MGAT4C: variants seen among roughly 807,000 people sequenced by gnomAD.
MGAT4C encodes the protein MGAT4 family member C.
Under a neutral mutation model 40.1 loss-of-function variants are expected in MGAT4C, and 19 were observed. The observed-to-expected ratio is 0.47, with a 90% CI of 0.33 to 0.70. The LOEUF (loss-of-function observed/expected upper bound fraction) is 0.70, where lower values mean the gene tolerates loss of function less well. MGAT4C is among the 30% of genes least tolerant of loss of function. The pLI, the probability that MGAT4C is intolerant of heterozygous loss-of-function variation, is 0.02. For missense variants in MGAT4C, 491 were observed against 563.2 expected, an observed-to-expected ratio of 0.87 and a Z score of 1.30; for synonymous variants, 181 against 187.1, an observed-to-expected ratio of 0.97 and a Z score of 0.27.
intron 4 of MGAT4C, among the ~76,000 whole-genome samples, chr12:86,266,706 G>C (rs1285830888): frequency 6.6e-6 from 1 of 152,094 alleles, no homozygotes; most frequent in Non-Finnish European, 1.5e-5. Context: ...GTTTCAGAAG[G>C]ATTGCTATTA....
intron 1 of MGAT4C, among the ~76,000 whole-genome samples, chr12:86,057,108 C>T (rs563411783): frequency 1.3e-5 from 2 of 152,034 alleles, no homozygotes; most frequent in South Asian, 4.1e-4. Flanking sequence ...CTTTAGACCT[C>T]AAAATTTTTG....
chr12:86,497,964 TAA>T (rs1303161090), intron 2 of MGAT4C, among the ~76,000 whole-genome samples: 1 of 145,098 alleles, frequency 6.9e-6, no homozygotes, highest in Non-Finnish European at 1.5e-5. Context: ...ATATATATTA[TAA>T]ATATATATTA....
Position 86,049,673 on chromosome 12 carries a change from C to T in MGAT4C, c.-7+1G>A, listed in dbSNP as rs964925725. Reference sequence around the variant, plus strand: ...CTACCATGAATGACATAGAATCTCACCTTAAGAAAGACGCTGTCATAATCT... The same window carrying T: ...CTACCATGAATGACATAGAATCTCATCTTAAGAAAGACGCTGTCATAATCT... On this transcript the variant is annotated splice_donor_variant, in intron 2 of 4. Coordinates refer to ENST00000611864, the MANE Select transcript of MGAT4C (RefSeq NM_001351288.2). LOFTEE classifies it low-confidence loss of function (5UTR_SPLICE). 6.1e-6 allele frequency: 6 copies of T among 982,722 alleles called. No individual in the cohort carries two copies. In the African/African-American group the frequency reaches 1.1e-4, roughly 17 times the overall value. The allele number at this position is 982,722 out of a possible 1,614,324, so 60.9% of individuals were successfully genotyped here. A position where few individuals can be genotyped will look rare whatever the true frequency, so the allele number is the denominator to read the frequency against.
intron 1 of MGAT4C, among the ~76,000 whole-genome samples, chr12:86,826,143 G>A (rs1193109067): frequency 6.6e-6 from 1 of 151,332 alleles, no homozygotes; most frequent in Non-Finnish European, 1.5e-5. Context: ...TCCTTCTTGA[G>A]CTTCCCTCTA....
chr12:86,684,165 C>T (rs568091901), intron 2 of MGAT4C, among the ~76,000 whole-genome samples: 1 of 152,078 alleles, frequency 6.6e-6, no homozygotes, highest in African/African-American at 2.4e-5. Flanking sequence ...CACTTGAGGT[C>T]ATGCATTACC....
chr12:86,643,997 A>C (rs1466142041), intron 2 of MGAT4C, among the ~76,000 whole-genome samples: 1 of 151,760 alleles, frequency 6.6e-6, no homozygotes, highest in East Asian at 1.9e-4. Flanking sequence ...GTTAACTGTA[A>C]AAAATAATTC....
chr12:86,483,654 T>C (rs1009825386), intron 2 of MGAT4C, among the ~76,000 whole-genome samples: 8 of 151,646 alleles, frequency 5.3e-5, no homozygotes, highest in Non-Finnish European at 1.0e-4. Flanking sequence ...AGAGTGATTC[T>C]ATTATTTTCT....
intron 2 of MGAT4C, among the ~76,000 whole-genome samples, chr12:86,646,639 C>G (rs1172778289): frequency 6.6e-6 from 1 of 151,760 alleles, no homozygotes; most frequent in African/African-American, 2.4e-5. Context: ...TAAATATTTT[C>G]TTGTGTTCAC....
At chr12:86,515,769 C>T (rs975874012) in intron 2 of MGAT4C, among the ~76,000 whole-genome samples, 4 of 143,278 alleles carry the variant, frequency 2.8e-5, no homozygotes, top group African/African-American at 1.1e-4. Context: ...GACGGAGTCT[C>T]GCTCTGTCTG....
Position 85,989,450 on chromosome 12 carries a change from C to G in MGAT4C, c.97G>C (p.Val33Leu), listed in dbSNP as rs767169663. 4 of 1,607,258 alleles carry G rather than the reference C, an allele frequency of 2.5e-6. No individual in the cohort carries two copies. The highest frequency in any genetic ancestry group is 3.4e-6 in the Non-Finnish European group (4 of 1,176,416). ...RSTVSFLGVLVIFLLFMNLYI... is the reference protein window; with the variant it reads ...RSTVSFLGVLLIFLLFMNLYI... ...AAGTTCATAAAAAGGAGAAAAATGA[C>G]AAGAACTCCCAAGAATGACACTGTA... is the stretch of plus-strand genomic sequence containing the variant. The change falls in exon 3 of 5, where the codon GTC becomes CTC. Residue 33 changes from valine (V) to leucine (L), a missense_variant. Physicochemically the swap from Val to Leu is conservative, Grantham distance 32 (BLOSUM62 1). Transcript: ENST00000611864.
intron 2 of MGAT4C, among the ~76,000 whole-genome samples, chr12:86,709,455 CT>C (rs1177513848): frequency 6.6e-6 from 1 of 152,066 alleles, no homozygotes; most frequent in Admixed American, 6.6e-5. Flanking sequence ...AATCAGGTCA[CT>C]TTTGTACTTA....
chr12:86,241,100 C>T (rs1390369199), intron 1 of MGAT4C, among the ~76,000 whole-genome samples: 2 of 152,052 alleles, frequency 1.3e-5, no homozygotes, highest in Non-Finnish European at 2.9e-5. Flanking sequence ...ATTTTGTTAT[C>T]TGGGAAACAA....
intron 1 of MGAT4C, among the ~76,000 whole-genome samples, chr12:86,209,328 A>G (rs1009792987): frequency 4.6e-5 from 7 of 152,130 alleles, no homozygotes; most frequent in Non-Finnish European, 1.0e-4. Context: ...CTAAAATAAA[A>G]CAAAGATAAT....
At chr12:86,465,100 T>C (rs2136298838) in intron 2 of MGAT4C, among the ~76,000 whole-genome samples, 1 of 152,236 alleles carries the variant, frequency 6.6e-6, no homozygotes, top group African/African-American at 2.4e-5. Context: ...GCTTTCTGTT[T>C]TAGTGGCCTG....
chr12:86,824,144 A>T (rs116399882), intron 1 of MGAT4C, among the ~76,000 whole-genome samples: 5 of 151,478 alleles, frequency 3.3e-5, no homozygotes, highest in African/African-American at 1.2e-4. Flanking sequence ...GCTGTCTCAG[A>T]TCATCTCAGT....
At chr12:86,695,970 G>C (rs1161608698) in intron 2 of MGAT4C, among the ~76,000 whole-genome samples, 2 of 152,100 alleles carry the variant, frequency 1.3e-5, no homozygotes, top group African/African-American at 4.8e-5. Flanking sequence ...TCAGCACTTT[G>C]GGAGGCTGAA....
chr12:86,176,025 T>C (rs1374878871), intron 1 of MGAT4C, among the ~76,000 whole-genome samples: 6 of 152,288 alleles, frequency 3.9e-5, no homozygotes, highest in Admixed American at 2.6e-4. Context: ...GAGTCTCTTA[T>C]GCAGTAGTTT....
chr12:86,265,877 G>A (rs1381299183), intron 4 of MGAT4C, among the ~76,000 whole-genome samples: 1 of 151,804 alleles, frequency 6.6e-6, no homozygotes, highest in African/African-American at 2.4e-5. Flanking sequence ...ATATTCTTAG[G>A]TATTTATATT....
intron 2 of MGAT4C, among the ~76,000 whole-genome samples, chr12:86,575,251 C>T (rs559322335): frequency 8.0e-5 from 3 of 37,624 alleles, no homozygotes; most frequent in East Asian, 2.6e-3. Context: ...TTTTAAAATA[C>T]ACAAGTTATT....
Sources: allele counts gnomAD v4.1 joint callset (sites outside exome capture counted in the v4.1 genomes callset), GRCh38; gene constraint gnomAD v4.1.1; transcripts MANE v1.5; gene names NCBI Gene and HGNC (gene_info 2026-07-23, HGNC 2026-07-21).